NT5E: variants seen among roughly 807,000 people sequenced by gnomAD.
NT5E encodes the protein 5'-nucleotidase.
In NT5E, 53 loss-of-function variants were observed where a neutral mutation model predicts 55.1. The observed-to-expected ratio is 0.96, with a 90% CI of 0.77 to 1.21. The LOEUF (loss-of-function observed/expected upper bound fraction) is 1.21. Among genes scored for constraint, NT5E ranks in the 50% most tolerant of loss-of-function variants. The pLI is 0.00. For missense variants in NT5E, 683 were observed against 724.3 expected, an observed-to-expected ratio of 0.94 and a Z score of 0.65; for synonymous variants, 270 against 278.4, an observed-to-expected ratio of 0.97 and a Z score of 0.30.
intron 1 of NT5E, among the ~76,000 whole-genome samples, chr6:85,458,443 T>C (rs1046641935): frequency 3.3e-5 from 5 of 152,118 alleles, no homozygotes; most frequent in Non-Finnish European, 7.4e-5. Flanking sequence ...AGGGAGGAAG[T>C]AAAGGTAGTT....
chr6:85,481,161 G>A (rs534090892), intron 3 of NT5E, among the ~76,000 whole-genome samples: 1 of 152,276 alleles, frequency 6.6e-6, no homozygotes, highest in Non-Finnish European at 1.5e-5. Context: ...CCTACCACAT[G>A]CTAGGCAAAT....
rs1769855936 is a variant in NT5E, at chr6:85,494,728, C to T, written c.*724C>T. The T allele has an allele frequency of 6.6e-6, 1 of 152,280 alleles. No individual in the cohort carries two copies. The highest frequency in any genetic ancestry group is 2.1e-4 in the South Asian group (1 of 4,822). The allele number at this position is 152,280 out of a possible 1,614,324, so 9.4% of individuals were successfully genotyped here. ...GGATACCATCCTCTCTTGCAACACC[C>T]ATGTGCCTTTGATGAGTCAGGTAGC... On this transcript the variant is annotated 3_prime_UTR_variant, in exon 9 of 9. Coordinates refer to ENST00000257770, the MANE Select transcript of NT5E (RefSeq NM_002526.4).
chr6:85,490,199 G>C (rs559786589), intron 6 of NT5E, among the ~76,000 whole-genome samples: 35 of 152,298 alleles, frequency 2.3e-4, no homozygotes, highest in African/African-American at 8.2e-4. Flanking sequence ...TGGAGGAACG[G>C]AACAATGCAA....
intron 8 of NT5E, among the ~76,000 whole-genome samples, chr6:85,493,630 T>A (rs1204351765): frequency 6.6e-6 from 1 of 152,140 alleles, no homozygotes; most frequent in Non-Finnish European, 1.5e-5. Context: ...CTTCCCCCAA[T>A]TACCCAATAT....
rs1395006541 is a variant in NT5E, at chr6:85,493,745, A to T, written c.1562-96A>T. The stretch of plus-strand genomic sequence containing the variant: ...CTTCTGTGACACTTTACCCCTGCTT[A>T]TGAAATTGCTTCCCTTTTATAATTA... On this transcript the variant is annotated intron_variant, in intron 8 of 8. Coordinates refer to ENST00000257770, the MANE Select transcript of NT5E (RefSeq NM_002526.4). 6 of 1,030,668 alleles carry T rather than the reference A, an allele frequency of 5.8e-6. No homozygotes were observed. In the African/African-American group the frequency reaches 8.0e-5, roughly 14 times the overall value. 63.8% of individuals were successfully genotyped at this position (1,030,668 alleles called of 1,614,324 possible). A position where few individuals can be genotyped will look rare whatever the true frequency, so the allele number is the denominator to read the frequency against.
intron 4 of NT5E, among the ~76,000 whole-genome samples, chr6:85,486,207 A>G (rs1176953885): frequency 3.9e-5 from 6 of 152,218 alleles, no homozygotes; most frequent in Non-Finnish European, 2.9e-5. Flanking sequence ...GAAGTACAGT[A>G]TGAGATAAGA....
rs370583260 is a variant in NT5E, at chr6:85,485,326, T to C, written c.843T>C (p.Tyr281=). 2.5e-6 allele frequency: 4 copies of C among 1,614,170 alleles called. No individual in the cohort carries two copies. Among genetic ancestry groups the C allele is most frequent in the Non-Finnish European group, 3.4e-6 (4 of 1,179,994 alleles). The change falls in exon 4 of 9, where the codon TAT becomes TAC. Residue 281 remains tyrosine (Y), a synonymous_variant. Transcript: ENST00000257770. ...DGRKVPVVQA[Y]AFGKYLGYLK... Reference sequence around the variant, plus strand: ...GGAAGGTTCCTGTAGTCCAGGCCTATGCTTTTGGCAAATACCTAGGCTATC... The same window carrying C: ...GGAAGGTTCCTGTAGTCCAGGCCTACGCTTTTGGCAAATACCTAGGCTATC...
chr6:85,454,661 G>C (rs887828177), intron 1 of NT5E, among the ~76,000 whole-genome samples: 2 of 152,130 alleles, frequency 1.3e-5, no homozygotes, highest in Non-Finnish European at 2.9e-5. Flanking sequence ...TTCATTTCTT[G>C]TAATTGAATT....
rs1769875897 is a variant in NT5E, at chr6:85,495,563, T to TA, written c.*1565dup. ...GTTCTATGCATATATGGATTAGCTATAAAAAATGTCAATAAGATTGTACAA... is the reference window on the plus strand; with the variant it reads ...GTTCTATGCATATATGGATTAGCTATAAAAAAATGTCAATAAGATTGTACAA... On this transcript the variant is annotated 3_prime_UTR_variant, in exon 9 of 9. Transcript: ENST00000257770. 1 of 152,244 alleles carries TA rather than the reference T, an allele frequency of 6.6e-6. No individual in the cohort carries two copies. 9.4% of individuals were successfully genotyped at this position (152,244 alleles called of 1,614,324 possible). A position where few individuals can be genotyped will look rare whatever the true frequency, so the allele number is the denominator to read the frequency against.
Position 85,494,132 on chromosome 6 carries a change from G to C in NT5E, c.*128G>C, listed in dbSNP as rs1769843732. The C allele has an allele frequency of 2.3e-6, 2 of 888,886 alleles. No individual in the cohort carries two copies. Among genetic ancestry groups the C allele is most frequent in the Non-Finnish European group, 3.5e-6 (2 of 564,506 alleles). The allele number at this position is 888,886 out of a possible 1,614,324, so 55.1% of individuals were successfully genotyped here. A position where few individuals can be genotyped will look rare whatever the true frequency, so the allele number is the denominator to read the frequency against. On this transcript the variant is annotated 3_prime_UTR_variant, in exon 9 of 9. Transcript: ENST00000257770. ...ACAGGCTCCTAGAAGCTGAAGGTTA[G>C]AGCATTATAAAATGAAGAGACAGAC...
chr6:85,471,056 T>C (rs530643298), intron 2 of NT5E, among the ~76,000 whole-genome samples, 181 bp from the exon 3 acceptor site: 1 of 152,340 alleles, frequency 6.6e-6, no homozygotes, highest in East Asian at 1.9e-4. Flanking sequence ...AATGAGGATA[T>C]TGATTTGAAT....
At chr6:85,484,826 AT>A (rs1236004028) in intron 3 of NT5E, among the ~76,000 whole-genome samples, 2 of 152,138 alleles carry the variant, frequency 1.3e-5, no homozygotes, top group African/African-American at 4.8e-5. Context: ...TAAAATAGGG[AT>A]TGTTTAAAAT....
intron 3 of NT5E, among the ~76,000 whole-genome samples, chr6:85,471,874 G>C (rs1295252132): frequency 6.6e-6 from 1 of 152,094 alleles, no homozygotes; most frequent in East Asian, 1.9e-4. Context: ...GGTAGCAGAG[G>C]CTGGACCTCG....
rs955143135 is a variant in NT5E, at chr6:85,450,848, A to G, written c.339+370A>G. 1.3e-5 allele frequency among the ~76,000 whole-genome samples: 2 copies of G among 152,234 alleles called. No individual in the cohort carries two copies. The highest frequency in any genetic ancestry group is 4.8e-5 in the African/African-American group (2 of 41,462). ...ATCTTTCAAAGAATGCTTTATCTCA[A>G]TCTAGATCTTTCGAAAAATGCTTTA... On this transcript the variant is annotated intron_variant, in intron 1 of 8. Coordinates refer to ENST00000257770, the MANE Select transcript of NT5E (RefSeq NM_002526.4). The surrounding 1 kb of genome is among the most constrained non-coding windows in gnomAD (Gnocchi z 4.0).
chr6:85,465,563 A>G (rs2127756261), intron 1 of NT5E, among the ~76,000 whole-genome samples: 1 of 152,368 alleles, frequency 6.6e-6, no homozygotes, highest in Non-Finnish European at 1.5e-5. Flanking sequence ...TGAGATCATC[A>G]GAGATGGGGG....
At chr6:85,455,590 A>G (rs1209875833) in intron 1 of NT5E, among the ~76,000 whole-genome samples, 2 of 152,150 alleles carry the variant, frequency 1.3e-5, no homozygotes, top group Non-Finnish European at 1.5e-5. Flanking sequence ...ATAATAAACC[A>G]ATGAGTGAGT....
intron 1 of NT5E, among the ~76,000 whole-genome samples, chr6:85,457,776 T>C (rs939761297): frequency 3.3e-5 from 5 of 152,208 alleles, no homozygotes; most frequent in African/African-American, 1.2e-4. Context: ...GGCTCTCTGC[T>C]AAGTGCTGAG....
chr6:85,466,742 T>C (rs1244054884), intron 1 of NT5E, among the ~76,000 whole-genome samples: 2 of 152,072 alleles, frequency 1.3e-5, no homozygotes, highest in Non-Finnish European at 2.9e-5. Context: ...AAAAACAACA[T>C]GGAAAAATTG....
chr6:85,450,297 A>G lies in NT5E; in HGVS notation c.158A>G (p.Asn53Ser), dbSNP rs374757389. The change falls in exon 1 of 9, where the codon AAC becomes AGC. Residue 53 changes from asparagine (N) to serine (S), a missense_variant. Transcript: ENST00000257770. The surrounding 1 kb of genome is among the most constrained non-coding windows in gnomAD (Gnocchi z 4.0). ...AGCGAGGACTCCAGCAAGTGCGTCA[A>G]CGCCAGCCGCTGCATGGGTGGCGTG... The part of the protein sequence containing the change: ...QTSEDSSKCV[N>S]ASRCMGGVAR... 16 of 1,605,408 alleles carry G rather than the reference A, an allele frequency of 1.0e-5. No individual in the cohort carries two copies. In the African/African-American group the frequency reaches 2.0e-4, roughly 20 times the overall value.
Sources: allele counts gnomAD v4.1 joint callset (sites outside exome capture counted in the v4.1 genomes callset), GRCh38; gene constraint gnomAD v4.1.1; non-coding constraint Gnocchi (gnomAD v3.1); transcripts MANE v1.5; gene names NCBI Gene and HGNC (gene_info 2026-07-23, HGNC 2026-07-21).